DNAJB1: variants seen among roughly 807,000 people sequenced by gnomAD.
DNAJB1 encodes the protein dnaJ homolog subfamily B member 1.
A neutral mutation model predicts 24.0 loss-of-function variants in DNAJB1; 14 were observed. The ratio of observed to expected loss-of-function variants is 0.58; its 90% CI spans 0.39 to 0.91. The LOEUF (loss-of-function observed/expected upper bound fraction) is 0.91, where lower values mean the gene tolerates loss of function less well. Ranked by LOEUF, DNAJB1 falls within the 40% of genes least tolerant of loss-of-function variation. The pLI is 0.00. For synonymous variants in DNAJB1, 262 were observed against 174.4 expected (o/e 1.50, Z -3.96); for missense variants, 517 against 458.1 (o/e 1.13, Z -1.17).
intron 1 of DNAJB1, among the ~76,000 whole-genome samples, chr19:14,535,564 A>ATG (rs2072859602): frequency 4.0e-5 from 1 of 24,880 alleles, no homozygotes; most frequent in Non-Finnish European, 7.9e-5. Context: ...ATATATATAT[A>ATG]TATATATATA....
intron 1 of DNAJB1, among the ~76,000 whole-genome samples, chr19:14,541,620 G>A (rs1269274235): frequency 1.3e-5 from 2 of 152,112 alleles, no homozygotes; most frequent in Admixed American, 1.3e-4. Flanking sequence ...CCTGAAGGTC[G>A]AGGTCTTTGG....
upstream of DNAJB1, chr19:14,518,471 C>T (rs1280620155): frequency 1.2e-5 from 9 of 747,684 alleles, no homozygotes; most frequent in Non-Finnish European, 1.3e-5. Flanking sequence ...CCTCCAGAAC[C>T]TTCCGCCCCG....
chr19:14,545,573 G>A (rs1342805000), intron 1 of DNAJB1, among the ~76,000 whole-genome samples: 2 of 152,176 alleles, frequency 1.3e-5, no homozygotes, highest in Admixed American at 6.5e-5. Flanking sequence ...ATCGCTGCCC[G>A]CACGCTCTTG....
In DNAJB1 at chr19:14,516,854, G is replaced by A. The variant is rs760907452; in HGVS notation, c.404C>T (p.Pro135Leu). ...GTTGGTGAAGCCACCCATGCCCATA[G>A]GGAAGCCAGAGAATGGGTCATCAAT... is the stretch of plus-strand genomic sequence containing the variant. ...MDIDDPFSGF[P>L]MGMGGFTNVN... The change falls in exon 2 of 3, where the codon CCT becomes CTT. Residue 135 changes from proline to leucine, a missense_variant. Transcript: ENST00000254322. 6.2e-7 allele frequency: 1 copy of A among 1,614,102 alleles called. No homozygotes were observed. Among genetic ancestry groups the A allele is most frequent in the Non-Finnish European group, 8.5e-7 (1 of 1,180,018 alleles).
chr19:14,559,339 TC>T (rs897070984), intron 1 of DNAJB1, among the ~76,000 whole-genome samples: 2 of 151,588 alleles, frequency 1.3e-5, no homozygotes, highest in Admixed American at 6.6e-5. Flanking sequence ...CACTCCCCAT[TC>T]CCCCCGCCCA....
At chr19:14,539,139 AAT>A in intron 1 of DNAJB1, among the ~76,000 whole-genome samples, 1 of 97,122 alleles carries the variant, frequency 1.0e-5, no homozygotes, top group Non-Finnish European at 2.0e-5. Flanking sequence ...ACGCCCGGCT[AAT>A]TTTTTTTTTT....
At chr19:14,545,964 C>T (rs2073292859) in intron 1 of DNAJB1, 2 of 152,176 alleles carry the variant, frequency 1.3e-5, no homozygotes, top group Non-Finnish European at 2.9e-5. Context: ...TCCTCTGGGC[C>T]ACATAGAGCC....
At chr19:14,544,635 CTTTT>C (rs545193107) in intron 1 of DNAJB1, among the ~76,000 whole-genome samples, 13 of 134,184 alleles carry the variant, frequency 9.7e-5, no homozygotes, top group Non-Finnish European at 6.3e-5. Flanking sequence ...TTGGCCATTC[CTTTT>C]TTTTTTTTTT....
intron 1 of DNAJB1, among the ~76,000 whole-genome samples, chr19:14,543,960 ACTC>A (rs1421449083): frequency 7.1e-6 from 1 of 141,158 alleles, no homozygotes; most frequent in Non-Finnish European, 1.5e-5. Context: ...CAGGTCTCGA[ACTC>A]CTGACCTCAA....
At chr19:14,529,763 C>T (rs955026211), upstream of DNAJB1, 6 of 1,613,456 alleles carry the variant, frequency 3.7e-6, 1 homozygote, top group South Asian at 6.6e-5. Context: ...CATTCTTTTT[C>T]CTTCTTTGCG....
upstream of DNAJB1, chr19:14,529,403 T>A (rs144552831): frequency 1.7e-6 from 1 of 575,844 alleles, no homozygotes; most frequent in African/African-American, 1.9e-5. Flanking sequence ...AAGCCCCTTC[T>A]CTTTAGCCCC....
rs2073745395 is a variant in DNAJB1 at position 14,556,856 on chromosome 19, G to A, written c.-2165-2538C>T. On this transcript the variant is annotated intron_variant, in intron 1 of 5. Coordinates refer to the DNAJB1 transcript ENST00000679223. Reference sequence around the variant, plus strand: ...GGCAGTGGGGAGCGTCGCAGCCTCCGCCGCTTGCAGCCAGTCATCCCGGTG... The same window carrying A: ...GGCAGTGGGGAGCGTCGCAGCCTCCACCGCTTGCAGCCAGTCATCCCGGTG... Among the ~76,000 whole-genome samples the A allele has an allele frequency of 1.3e-5, 2 of 152,122 alleles. 1 individual carries two copies. Among genetic ancestry groups the A allele is most frequent in the South Asian group, 4.1e-4 (2 of 4,824 alleles).
intron 1 of DNAJB1, among the ~76,000 whole-genome samples, chr19:14,535,498 C>A (rs1410755771): frequency 1.2e-5 from 1 of 81,294 alleles, no homozygotes; most frequent in South Asian, 4.8e-4. Context: ...CAGAGCGAGA[C>A]TCCGTCTCAA....
At position 14,516,583 on chromosome 19, in the gene DNAJB1, G is replaced by T. The variant is rs775147909; in HGVS notation, c.675C>A (p.Asp225Glu). Reference protein sequence around the residue: ...GTKITFPKEGDQTSNNIPADI... With the variant: ...GTKITFPKEGEQTSNNIPADI... ...CAGCTGGAATGTTGTTGGAGGTCTG[G>T]TCTCCTTCCTTGGGGAAAGTGATTT... Residue 225 changes from aspartate to glutamate, a missense_variant, in exon 2 of 3, where the codon GAC (aspartate) becomes GAA (glutamate). Coordinates refer to ENST00000254322, the MANE Select transcript of DNAJB1 (RefSeq NM_006145.3). The T allele has an allele frequency of 6.2e-7, 1 of 1,614,196 alleles. No individual in the cohort carries two copies. Among genetic ancestry groups the T allele is most frequent in the South Asian group, 1.1e-5 (1 of 91,084 alleles).
chr19:14,522,487 GAAAAAA>G (rs60019206), upstream of DNAJB1, among the ~76,000 whole-genome samples: 1 of 59,258 alleles, frequency 1.7e-5, no homozygotes, highest in Non-Finnish European at 3.5e-5. Flanking sequence ...CTGTCTCGAA[GAAAAAA>G]AAAAAAAAAA....
At chr19:14,534,490 C>T (rs1388531601), upstream of DNAJB1, among the ~76,000 whole-genome samples, 2 of 115,178 alleles carry the variant, frequency 1.7e-5, no homozygotes, top group African/African-American at 7.0e-5. Context: ...GGCTGGAGTG[C>T]AGTGATGTGA....
chr19:14,554,509 A>G (rs765584584), upstream of DNAJB1, among the ~76,000 whole-genome samples: 17 of 152,066 alleles, frequency 1.1e-4, no homozygotes, highest in Non-Finnish European at 1.9e-4. Context: ...CAGCCGGGAG[A>G]GGACTGGGAA....
At chr19:14,517,181 C>T in intron 1 of DNAJB1, 135 bp from the exon 2 acceptor site, 3 of 851,154 alleles carry the variant, frequency 3.5e-6, no homozygotes, top group Non-Finnish European at 5.3e-6. Context: ...AGGAAGAACC[C>T]CAAGTTTCTA....
intron 1 of DNAJB1, among the ~76,000 whole-genome samples, chr19:14,542,227 AG>A (rs2073117761): frequency 1.3e-5 from 2 of 152,012 alleles, no homozygotes; most frequent in African/African-American, 4.8e-5. Context: ...GACCTCCCAA[AG>A]TGCAGGGATT....
Sources: allele counts gnomAD v4.1 joint callset (sites outside exome capture counted in the v4.1 genomes callset), GRCh38; gene constraint gnomAD v4.1.1; transcripts MANE v1.5; gene names NCBI Gene and HGNC (gene_info 2026-07-23, HGNC 2026-07-21).